ZBBX: variants seen among roughly 807,000 people sequenced by gnomAD.
The protein encoded by ZBBX is zinc finger B-box domain containing.
Under a neutral mutation model 108.5 loss-of-function variants are expected in ZBBX, and 101 were observed. The observed-to-expected ratio is 0.93, with a 90% confidence interval of 0.79 to 1.10. The LOEUF is 1.10. Ranked by LOEUF, ZBBX falls within the 50% of genes least tolerant of loss-of-function variation. The probability of loss-of-function intolerance (pLI) is 0.00; values close to 1 mark genes in which losing one functional copy is unlikely to be tolerated. For synonymous variants in ZBBX, 356 were observed against 323.4 expected, an observed-to-expected ratio of 1.10 and a Z score of -1.08; for missense variants, 1,009 against 941.4, an observed-to-expected ratio of 1.07 and a Z score of -0.94.
intron 20 of ZBBX, among the ~76,000 whole-genome samples, chr3:167,259,532 T>C (rs1366605001): frequency 6.6e-6 from 1 of 152,172 alleles, no homozygotes; most frequent in Non-Finnish European, 1.5e-5. Flanking sequence ...TTTGGTTTGT[T>C]CCTGTTTCCT....
intron 12 of ZBBX, 144 bp downstream of exon 12, chr3:167,321,973 T>G (rs552923552): frequency 5.0e-5 from 22 of 437,642 alleles, no homozygotes; most frequent in South Asian, 3.0e-4. Flanking sequence ...GAACAGCAAC[T>G]TCACAGGGAT....
intron 17 of ZBBX, among the ~76,000 whole-genome samples, chr3:167,300,915 C>T (rs1391421037): frequency 1.0e-4 from 14 of 136,526 alleles, no homozygotes; most frequent in Non-Finnish European, 7.9e-5. Flanking sequence ...TGTGCCTGGC[C>T]TTTTTTTTTT....
intron 18 of ZBBX, among the ~76,000 whole-genome samples, chr3:167,295,554 G>A (rs550029059): frequency 1.4e-3 from 206 of 151,342 alleles, no homozygotes; most frequent in African/African-American, 4.8e-3. Context: ...GGGAGGGATA[G>A]CATTAGGAGA....
chr3:167,353,541 A>G (rs941457446), intron 8 of ZBBX, among the ~76,000 whole-genome samples: 2 of 152,046 alleles, frequency 1.3e-5, no homozygotes, highest in African/African-American at 4.8e-5. Flanking sequence ...GAAAAATTAC[A>G]TAGTGGCTAT....
the ZBBX span, among the ~76,000 whole-genome samples, chr3:167,190,875 A>C: frequency 1.3e-5 from 2 of 152,206 alleles, no homozygotes; most frequent in Admixed American, 6.5e-5. Flanking sequence ...TGGCGCAAAA[A>C]GACTACCAGG....
the ZBBX span, among the ~76,000 whole-genome samples, chr3:167,219,175 A>G: frequency 0.024 from 3,697 of 152,182 alleles, 54 homozygotes; most frequent in Non-Finnish European, 0.037. Flanking sequence ...CCCCAATACA[A>G]TAATACCTGG....
At chr3:167,326,354 G>A (rs1577005889) in intron 11 of ZBBX, among the ~76,000 whole-genome samples, 1 of 152,152 alleles carries the variant, frequency 6.6e-6, no homozygotes, top group East Asian at 1.9e-4. Context: ...GTACCAAAAT[G>A]TTAACATGGA....
intron 1 of ZBBX, among the ~76,000 whole-genome samples, chr3:167,390,796 T>G (rs191322549): frequency 6.4e-4 from 97 of 151,894 alleles, no homozygotes; most frequent in African/African-American, 2.2e-3. Flanking sequence ...CTGTCTGTTA[T>G]TGGTTTATAG....
At chr3:167,180,382 T>C in the ZBBX span, among the ~76,000 whole-genome samples, 1 of 152,226 alleles carries the variant, frequency 6.6e-6, no homozygotes, top group Non-Finnish European at 1.5e-5. Context: ...TGTTTTCAAT[T>C]GATCCCTACG....
At chr3:167,344,563 T>C (rs1489496603) in intron 9 of ZBBX, among the ~76,000 whole-genome samples, 1 of 151,746 alleles carries the variant, frequency 6.6e-6, no homozygotes, top group Non-Finnish European at 1.5e-5. Flanking sequence ...CAAATCCTCT[T>C]GGCATCAGTC....
At chr3:167,276,130 C>T (rs1727530314) in intron 20 of ZBBX, among the ~76,000 whole-genome samples, 2 of 152,152 alleles carry the variant, frequency 1.3e-5, no homozygotes, top group African/African-American at 4.8e-5. Context: ...CCCATCTGTA[C>T]ATCACCATCA....
chr3:167,242,102 G>A (rs1380336473), intron 21 of ZBBX, among the ~76,000 whole-genome samples: 1 of 152,052 alleles, frequency 6.6e-6, no homozygotes, highest in African/African-American at 2.4e-5. Context: ...TTGATTTCAA[G>A]AAAGAAACTT....
chr3:167,367,966 A>G (rs13076027), intron 5 of ZBBX, among the ~76,000 whole-genome samples: 10,515 of 40,148 alleles, frequency 0.26, 454 homozygotes, highest in Admixed American at 0.38. Context: ...GATTATATAT[A>G]TGTATATATA....
chr3:167,315,654 C>A, intron 15 of ZBBX, 96 bp downstream of exon 15: 1 of 858,388 alleles, frequency 1.2e-6, no homozygotes, highest in African/African-American at 1.7e-5. Flanking sequence ...CATGTTTTTT[C>A]ACACCACATA....
At chr3:167,223,280 C>T in the ZBBX span, among the ~76,000 whole-genome samples, 1 of 151,838 alleles carries the variant, frequency 6.6e-6, no homozygotes, top group African/African-American at 2.4e-5. Flanking sequence ...TTATCTAAGC[C>T]CCTTGAAGTG....
intron 19 of ZBBX, among the ~76,000 whole-genome samples, chr3:167,288,210 G>T (rs1730055340): frequency 6.6e-6 from 1 of 152,072 alleles, no homozygotes; most frequent in Non-Finnish European, 1.5e-5. Context: ...GGTATAATGG[G>T]ATAACAGTAA....
intron 20 of ZBBX, among the ~76,000 whole-genome samples, chr3:167,279,992 T>C (rs905406423): frequency 3.0e-4 from 45 of 151,940 alleles, no homozygotes; most frequent in Admixed American, 5.9e-4. Flanking sequence ...AAACAAGCAA[T>C]GGGGAAAGGA....
chr3:167,295,071 G>A (rs1731394587), intron 18 of ZBBX, among the ~76,000 whole-genome samples: 1 of 152,154 alleles, frequency 6.6e-6, no homozygotes, highest in Non-Finnish European at 1.5e-5. Flanking sequence ...TGGAGAAAGA[G>A]GAATCCTTTT....
chr3:167,298,069 A>G (rs1483429795), intron 18 of ZBBX, among the ~76,000 whole-genome samples: 2 of 152,034 alleles, frequency 1.3e-5, no homozygotes, highest in African/African-American at 4.8e-5. Context: ...TTACAGCAAC[A>G]CTAAAAGGTC....
Sources: gnomAD v4.1 joint callset for allele counts (sites outside exome capture counted in the v4.1 genomes callset) on GRCh38, gnomAD v4.1.1 for gene constraint, MANE v1.5 for transcripts, NCBI Gene and HGNC (gene_info 2026-07-23, HGNC 2026-07-21) for gene names.